Variants in RNF144A observed in about 807,000 individuals in gnomAD.
RNF144A encodes ring finger protein 144A.
A neutral mutation model predicts 38.7 loss-of-function variants in RNF144A; 11 were observed. The observed-to-expected ratio is 0.28, with a 90% CI of 0.18 to 0.47. RNF144A has a LOEUF of 0.47. RNF144A is among the 20% of genes least tolerant of loss of function. The probability of loss-of-function intolerance (pLI) is 0.99; values close to 1 mark genes in which losing one functional copy is unlikely to be tolerated. For missense variants in RNF144A, 316 were observed against 377.2 expected (o/e 0.84, Z 1.34); for synonymous variants, 149 against 143.9 (o/e 1.04, Z -0.25).
chr2:6,997,271 G>T (rs1462203133), intron 3 of RNF144A, among the ~76,000 whole-genome samples: 1 of 152,202 alleles, frequency 6.6e-6, no homozygotes, highest in Non-Finnish European at 1.5e-5. Context: ...TGCTTGTGGT[G>T]CAAAAGCAAT....
chr2:7,043,482 A>G lies in RNF144A; in HGVS notation c.*3722A>G. ...CACCTGTGTATATATATAAATCACAAGGAGATCATCAAGGGAAAACATTTT... is the reference window on the plus strand; with the variant it reads ...CACCTGTGTATATATATAAATCACAGGGAGATCATCAAGGGAAAACATTTT... On this transcript the variant is annotated 3_prime_UTR_variant, in exon 9 of 9. Coordinates refer to ENST00000320892, the MANE Select transcript of RNF144A (RefSeq NM_014746.6). The G allele has an allele frequency of 1.0e-6, 1 of 985,824 alleles. No homozygotes were observed. The highest frequency in any genetic ancestry group is 1.2e-6 in the Non-Finnish European group (1 of 829,902). The allele number at this position is 985,824 out of a possible 1,614,324, so 61.1% of individuals were successfully genotyped here. A position where few individuals can be genotyped will look rare whatever the true frequency, so the allele number is the denominator to read the frequency against.
In RNF144A at chr2:6,941,093, A is replaced by G. The variant is rs1665943106; in HGVS notation, c.-66A>G. The stretch of plus-strand genomic sequence containing the variant: ...TCTGAGTGTGTATAAGCACAGCAGG[A>G]CACCAGGACCTGGCCTGAAGACATT... On this transcript the variant is annotated 5_prime_UTR_variant, in exon 2 of 9. Transcript: ENST00000320892. The surrounding 1 kb of genome is among the most constrained non-coding windows in gnomAD (Gnocchi z 6.5). The G allele has an allele frequency of 6.6e-6, 1 of 152,180 alleles. No individual in the cohort carries two copies. Among genetic ancestry groups the G allele is most frequent in the Non-Finnish European group, 1.5e-5 (1 of 68,038 alleles). The allele number at this position is 152,180 out of a possible 1,614,324, so 9.4% of individuals were successfully genotyped here.
intron 2 of RNF144A, among the ~76,000 whole-genome samples, chr2:6,946,737 T>C (rs1436521746): frequency 6.6e-6 from 1 of 152,162 alleles, no homozygotes; most frequent in African/African-American, 2.4e-5. Flanking sequence ...TATTAAGATT[T>C]TTTTCAAGCT....
At chr2:7,050,187 C>A (rs1397227993) in intron 6 of RNF144A, among the ~76,000 whole-genome samples, 1 of 152,140 alleles carries the variant, frequency 6.6e-6, no homozygotes, top group Non-Finnish European at 1.5e-5. Flanking sequence ...TTATAACAAT[C>A]CCCACACGTC....
At chr2:6,980,007 T>C (rs73141623) in intron 2 of RNF144A, among the ~76,000 whole-genome samples, 23,264 of 152,078 alleles carry the variant, frequency 0.15, 1,840 homozygotes, top group East Asian at 0.21. Flanking sequence ...AGAGAGCACA[T>C]GCAAGAGAAA....
intron 3 of RNF144A, among the ~76,000 whole-genome samples, chr2:7,014,137 A>G (rs192290420): frequency 6.6e-6 from 1 of 152,342 alleles, no homozygotes; most frequent in East Asian, 1.9e-4. Context: ...ATTACCTCCC[A>G]GCCTCCCTTG....
intron 7 of RNF144A, among the ~76,000 whole-genome samples, chr2:7,026,314 T>C (rs1035112840): frequency 2.0e-5 from 3 of 152,158 alleles, no homozygotes; most frequent in Non-Finnish European, 4.4e-5. Context: ...GGGTAAAATG[T>C]CACCATCTTC....
intron 3 of RNF144A, among the ~76,000 whole-genome samples, chr2:7,009,592 G>A (rs1194950489): frequency 6.6e-6 from 1 of 151,802 alleles, no homozygotes; most frequent in Non-Finnish European, 1.5e-5. Context: ...GCTTGTGAGT[G>A]AAGTCACAGT....
At position 6,950,399 on chromosome 2, in the gene RNF144A, A is replaced by G. The variant is rs536254100; in HGVS notation, c.-12+9252A>G. ...TTCATTTCATGTTGTGTAATATTTGATAATGTTGGCGTCGATTTCTTCATG... is the reference window on the plus strand; with the variant it reads ...TTCATTTCATGTTGTGTAATATTTGGTAATGTTGGCGTCGATTTCTTCATG... On this transcript the variant is annotated intron_variant, in intron 2 of 8. Coordinates refer to ENST00000320892, the MANE Select transcript of RNF144A (RefSeq NM_014746.6). Among the ~76,000 whole-genome samples, 16 of 152,308 alleles carry G rather than the reference A, an allele frequency of 1.1e-4. No individual in the cohort carries two copies. In the South Asian group the frequency reaches 2.9e-3, roughly 28 times the overall value.
chr2:7,005,819 G>T (rs73914473), intron 3 of RNF144A, among the ~76,000 whole-genome samples: 323 of 152,078 alleles, frequency 2.1e-3, no homozygotes, highest in African/African-American at 7.5e-3. Context: ...CTCATGAGAG[G>T]ACGCTGCAGC....
At chr2:6,946,264 A>T (rs1225031898) in intron 2 of RNF144A, among the ~76,000 whole-genome samples, 1 of 152,234 alleles carries the variant, frequency 6.6e-6, no homozygotes, top group Non-Finnish European at 1.5e-5. Flanking sequence ...AGCTTCATCA[A>T]TAACTTCTAA....
chr2:6,928,751 C>T (rs116440400), intron 1 of RNF144A, among the ~76,000 whole-genome samples: 3,572 of 152,328 alleles, frequency 0.023, 138 homozygotes, highest in African/African-American at 0.081. Context: ...CGGCTGGCTC[C>T]AAGGCCTCCT....
the RNF144A span, among the ~76,000 whole-genome samples, chr2:7,075,286 C>CG: frequency 9.9e-5 from 15 of 151,590 alleles, no homozygotes; most frequent in African/African-American, 3.6e-4. Flanking sequence ...GAACATCCCC[C>CG]CCCCCACACA....
At chr2:7,052,034 A>G (rs763521121) in intron 6 of RNF144A, among the ~76,000 whole-genome samples, 21 of 152,172 alleles carry the variant, frequency 1.4e-4, no homozygotes, top group Admixed American at 1.4e-3. Context: ...TAGAATGCCT[A>G]ATTGGAAGTA....
intron 2 of RNF144A, among the ~76,000 whole-genome samples, chr2:6,964,940 C>T (rs1216360575): frequency 6.6e-6 from 1 of 151,884 alleles, no homozygotes; most frequent in Non-Finnish European, 1.5e-5. Context: ...GCGCATTGTG[C>T]ACATGTACCC....
At chr2:6,975,916 G>A (rs911831460) in intron 2 of RNF144A, among the ~76,000 whole-genome samples, 7 of 152,230 alleles carry the variant, frequency 4.6e-5, no homozygotes, top group African/African-American at 1.7e-4. Flanking sequence ...GCTGTTCTAT[G>A]CTTTGCTGTT....
rs6746084 is a variant in RNF144A at position 6,929,145 on chromosome 2, T to C, written c.-212+11523T>C. ...CATATGACATGTTATGTCAACAAAA[T>C]TGAACTGTTATTGACTTGATTGAAA... is the stretch of plus-strand genomic sequence containing the variant. On this transcript the variant is annotated intron_variant, in intron 1 of 8. Transcript: ENST00000320892. Among the ~76,000 whole-genome samples, 1,204 of 152,234 alleles carry C rather than the reference T, an allele frequency of 7.9e-3. 14 individuals are homozygous for C. Among genetic ancestry groups the C allele is most frequent in the African/African-American group, 0.028 (1,146 of 41,520 alleles).
chr2:6,984,659 T>C (rs1324961475), intron 2 of RNF144A, among the ~76,000 whole-genome samples: 1 of 152,278 alleles, frequency 6.6e-6, no homozygotes, highest in East Asian at 1.9e-4. Flanking sequence ...CATGTGGGAA[T>C]AACTATTTAC....
intron 2 of RNF144A, among the ~76,000 whole-genome samples, chr2:6,991,786 TACAC>T (rs929559068): frequency 1.3e-5 from 2 of 152,068 alleles, no homozygotes; most frequent in African/African-American, 2.4e-5. Context: ...ATAATATATA[TACAC>T]ACACACATAC....
Sources: gnomAD v4.1 joint callset for allele counts (sites outside exome capture counted in the v4.1 genomes callset) on GRCh38, gnomAD v4.1.1 for gene constraint, Gnocchi (gnomAD v3.1) non-coding constraint, MANE v1.5 for transcripts, NCBI Gene and HGNC (gene_info 2026-07-23, HGNC 2026-07-21) for gene names.